ATP6V1B1: variants seen among roughly 807,000 people sequenced by gnomAD.
ATP6V1B1 encodes V-type proton ATPase subunit B, kidney isoform.
Under a neutral mutation model 62.1 loss-of-function variants are expected in ATP6V1B1, and 41 were observed. The observed-to-expected ratio is 0.66, with a 90% CI of 0.51 to 0.86. The LOEUF (loss-of-function observed/expected upper bound fraction) is 0.86, where lower values mean the gene tolerates loss of function less well. Among genes scored for constraint, ATP6V1B1 ranks in the 40% least tolerant of loss-of-function variants. ATP6V1B1 has a pLI of 0.00. For synonymous variants in ATP6V1B1, 253 were observed against 273.4 expected (o/e 0.93, Z 0.74); for missense variants, 651 against 697.5 (o/e 0.93, Z 0.75).
chr2:70,961,158 A>G, intron 7 of ATP6V1B1, 136 bp downstream of exon 7: 1 of 885,806 alleles, frequency 1.1e-6, no homozygotes, highest in East Asian at 2.7e-5. Flanking sequence ...GGATGGGAGC[A>G]GTGACCACGG....
intron 2 of ATP6V1B1, among the ~76,000 whole-genome samples, chr2:70,951,531 C>T (rs1553418300): frequency 6.6e-6 from 1 of 152,012 alleles, no homozygotes; most frequent in Non-Finnish European, 1.5e-5. Context: ...GGAACATTTT[C>T]CCACAGCCCT....
At position 70,935,960 on chromosome 2, in the gene ATP6V1B1, C is replaced by G. The variant is rs1553415239; in HGVS notation, c.6C>G (p.Ala2=). ...TCCCAGCTGGGGACTGCTCCATGGC[C>G]ATGGAGATAGACAGCAGGCCTGGGG... M[A]MEIDSRPGGL... is the part of the protein sequence containing the mutation. Residue 2 remains alanine, a synonymous_variant, in exon 1 of 14, where the codon GCC becomes GCG. Transcript: ENST00000234396. 1 of 1,613,272 alleles carries G rather than the reference C, an allele frequency of 6.2e-7. No homozygotes were observed. Among genetic ancestry groups the G allele is most frequent in the African/African-American group, 1.3e-5 (1 of 74,910 alleles).
chr2:70,943,273 T>C, intron 1 of ATP6V1B1: 2 of 418,856 alleles, frequency 4.8e-6, no homozygotes, highest in Non-Finnish European at 9.1e-6. Flanking sequence ...AGGGCACTTT[T>C]CGGCCACAGC....
chr2:70,941,800 C>CA, intron 1 of ATP6V1B1: 1 of 985,710 alleles, frequency 1.0e-6, no homozygotes, highest in East Asian at 1.1e-4. Flanking sequence ...CTCCAGCACC[C>CA]AAAGGTCTGA....
chr2:70,961,494 A>T, intron 7 of ATP6V1B1, 102 bp from the exon 8 acceptor site: 1 of 1,211,852 alleles, frequency 8.3e-7, no homozygotes, highest in Non-Finnish European at 1.2e-6. Context: ...AGCGACTGGT[A>T]GCTGGTCAGT....
chr2:70,949,467 T>C (rs1553417946), intron 2 of ATP6V1B1, among the ~76,000 whole-genome samples: 1 of 152,230 alleles, frequency 6.6e-6, no homozygotes, highest in African/African-American at 2.4e-5. Flanking sequence ...TACTTTTTTA[T>C]TTCAAATTAG....
At position 70,958,257 on chromosome 2, in the gene ATP6V1B1, A is replaced by C; in HGVS notation, c.274-76A>C. On this transcript the variant is annotated intron_variant, in intron 3 of 13. Coordinates refer to ENST00000234396, the MANE Select transcript of ATP6V1B1 (RefSeq NM_001692.4). Reference sequence around the variant, plus strand: ...AAATGGTCTATTTCCCTGAGAGCACAGAAAGTGCCCAGAATGGGTAGCCCC... The same window carrying C: ...AAATGGTCTATTTCCCTGAGAGCACCGAAAGTGCCCAGAATGGGTAGCCCC... The C allele has an allele frequency of 1.9e-6, 3 of 1,595,832 alleles. No individual in the cohort carries two copies. In the African/African-American group the frequency reaches 4.0e-5, roughly 21 times the overall value.
chr2:70,943,765 T>A, intron 2 of ATP6V1B1, 52 bp downstream of exon 2: 9 of 1,602,256 alleles, frequency 5.6e-6, no homozygotes, highest in Non-Finnish European at 7.7e-6. Context: ...CCAGGGCGCC[T>A]CTCCCCTGCC....
In ATP6V1B1 at chr2:70,964,495, G is replaced by A; in HGVS notation, c.1201G>A (p.Gly401Arg). The change falls in exon 12 of 14, where the codon GGG becomes AGG. Residue 401 changes from glycine to arginine, a missense_variant. Coordinates refer to ENST00000234396, the MANE Select transcript of ATP6V1B1 (RefSeq NM_001692.4). Reference protein sequence around the residue: ...SLSRLMKSAIGEGMTRKDHGD... With the variant: ...SLSRLMKSAIREGMTRKDHGD... ...GTCGCGGCTGATGAAGTCAGCCATTGGGGAAGGCATGACAAGAAAGGACCA... is the reference window on the plus strand; with the variant it reads ...GTCGCGGCTGATGAAGTCAGCCATTAGGGAAGGCATGACAAGAAAGGACCA... 6.2e-7 allele frequency: 1 copy of A among 1,614,142 alleles called. No homozygotes were observed. The highest frequency in any genetic ancestry group is 8.5e-7 in the Non-Finnish European group (1 of 1,180,034).
At chr2:70,945,699 G>GATTATATATATATAT (rs1450719874) in intron 2 of ATP6V1B1, among the ~76,000 whole-genome samples, 1 of 70,114 alleles carries the variant, frequency 1.4e-5, no homozygotes, top group African/African-American at 5.0e-5. Flanking sequence ...GCTATTTGAA[G>GATTATATATATATAT]AGATATATAT....
chr2:70,949,387 T>G (rs1680267825), intron 2 of ATP6V1B1, among the ~76,000 whole-genome samples: 1 of 152,236 alleles, frequency 6.6e-6, no homozygotes, highest in Non-Finnish European at 1.5e-5. Flanking sequence ...AGTACAATAT[T>G]GTATCCCTTT....
intron 9 of ATP6V1B1, 68 bp downstream of exon 9, chr2:70,962,968 C>A: frequency 6.2e-7 from 1 of 1,609,770 alleles, no homozygotes; most frequent in South Asian, 1.1e-5. Context: ...CCCAGACGGT[C>A]ACCCTGCAAA....
intron 2 of ATP6V1B1, among the ~76,000 whole-genome samples, chr2:70,951,891 C>CT (rs1680331060): frequency 1.3e-5 from 2 of 151,688 alleles, no homozygotes; most frequent in South Asian, 2.1e-4. Context: ...GAGTGAAACT[C>CT]TGTCTTAAAA....
intron 1 of ATP6V1B1, among the ~76,000 whole-genome samples, chr2:70,937,853 C>T (rs980324994): frequency 1.3e-5 from 2 of 152,130 alleles, no homozygotes; most frequent in African/African-American, 2.4e-5. Flanking sequence ...AGCTCTTTCC[C>T]ACCCAGCCCC....
intron 1 of ATP6V1B1, among the ~76,000 whole-genome samples, chr2:70,938,350 A>G (rs1311094207): frequency 7.9e-5 from 12 of 152,092 alleles, no homozygotes; most frequent in Non-Finnish European, 7.4e-5. Context: ...CGCCAGAGGC[A>G]GGGCCACTCT....
At chr2:70,961,048 G>A (rs1553419998) in intron 7 of ATP6V1B1, 26 bp downstream of exon 7, 1 of 1,556,494 alleles carries the variant, frequency 6.4e-7, no homozygotes. Context: ...AGACTGGCAA[G>A]TTCTGGAGGC....
Position 70,943,644 on chromosome 2 carries a change from C to T in ATP6V1B1, c.119-14C>T, listed in dbSNP as rs781865960. 9.3e-6 allele frequency: 15 copies of T among 1,612,828 alleles called. No homozygotes were observed. The highest frequency in any genetic ancestry group is 5.0e-5 in the Admixed American group (3 of 59,972). ...TTGGGGTGAGACCCCTACTCACCCC[C>T]GCCCCTCCCCCAGCCTACAGGACTG... On this transcript the variant is annotated splice_polypyrimidine_tract_variant and intron_variant, in intron 1 of 13. Transcript: ENST00000234396.
intron 1 of ATP6V1B1, chr2:70,941,456 GA>G (rs1237725061): frequency 1.1e-5 from 11 of 985,232 alleles, no homozygotes; most frequent in Non-Finnish European, 1.3e-5. Context: ...GGCACCCCTT[GA>G]CCCTGAAGGC....
chr2:70,960,119 C>G, intron 6 of ATP6V1B1, 41 bp downstream of exon 6: 1 of 1,612,498 alleles, frequency 6.2e-7, no homozygotes, highest in South Asian at 1.1e-5. Flanking sequence ...GGGGGAGGGA[C>G]AGAGCAGAGG....
Sources: allele counts gnomAD v4.1 joint callset (sites outside exome capture counted in the v4.1 genomes callset), GRCh38; gene constraint gnomAD v4.1.1; transcripts MANE v1.5; gene names NCBI Gene and HGNC (gene_info 2026-07-23, HGNC 2026-07-21).